The following CSNK2A2IP variants were observed in gnomAD, a reference collection of about 807,000 sequenced individuals.
CSNK2A2IP encodes the protein casein kinase II subunit alpha'-interacting protein.
the CSNK2A2IP span, among the ~76,000 whole-genome samples, chr3:88,343,479 G>A: frequency 4.1e-4 from 62 of 151,974 alleles, no homozygotes; most frequent in African/African-American, 1.3e-3. Context: ...ATTACTAGGC[G>A]TGGTTATGAG....
chr3:88,418,727 T>C, the CSNK2A2IP span, among the ~76,000 whole-genome samples: 1 of 152,140 alleles, frequency 6.6e-6, no homozygotes, highest in East Asian at 1.9e-4. Context: ...GTTGTGGGTT[T>C]TGGTGTATAG....
the CSNK2A2IP span, chr3:88,466,994 C>A: frequency 1.6e-6 from 2 of 1,224,866 alleles, no homozygotes; most frequent in African/African-American, 3.1e-5. Flanking sequence ...AATGAAGTCC[C>A]TGAAGACAAC....
the CSNK2A2IP span, among the ~76,000 whole-genome samples, chr3:88,350,087 T>G: frequency 6.6e-6 from 1 of 152,094 alleles, no homozygotes; most frequent in African/African-American, 2.4e-5. Context: ...GTCTTCATTT[T>G]CAGTATCTAA....
At chr3:88,433,366 A>T in the CSNK2A2IP span, among the ~76,000 whole-genome samples, 1 of 152,026 alleles carries the variant, frequency 6.6e-6, no homozygotes, top group Non-Finnish European at 1.5e-5. Flanking sequence ...TCAATTACTA[A>T]GTTGTTTTAA....
At chr3:88,359,890 T>C in the CSNK2A2IP span, among the ~76,000 whole-genome samples, 5 of 152,146 alleles carry the variant, frequency 3.3e-5, no homozygotes, top group African/African-American at 1.2e-4. Flanking sequence ...AACTGGTCTA[T>C]AGTGCAGGTT....
the CSNK2A2IP span, among the ~76,000 whole-genome samples, chr3:88,435,205 A>C: frequency 5.9e-5 from 9 of 151,996 alleles, no homozygotes; most frequent in Non-Finnish European, 1.2e-4. Flanking sequence ...ATTCTTCCCC[A>C]CCTTCCCAGG....
the CSNK2A2IP span, among the ~76,000 whole-genome samples, chr3:88,390,626 A>G: frequency 1.4e-3 from 207 of 152,364 alleles, 1 homozygote; most frequent in African/African-American, 4.9e-3. Context: ...TTCTCTGATT[A>G]AAAGTTGTAT....
the CSNK2A2IP span, among the ~76,000 whole-genome samples, chr3:88,414,034 T>C: frequency 1.2e-4 from 18 of 151,826 alleles, no homozygotes; most frequent in African/African-American, 3.9e-4. Flanking sequence ...CAGGAACTTA[T>C]ATACAATGCC....
the CSNK2A2IP span, among the ~76,000 whole-genome samples, chr3:88,430,973 C>A: frequency 6.6e-6 from 1 of 151,940 alleles, no homozygotes; most frequent in Non-Finnish European, 1.5e-5. Context: ...TTCAAATTAG[C>A]AATACTAAAT....
At chr3:88,376,708 T>C in the CSNK2A2IP span, among the ~76,000 whole-genome samples, 50 of 151,914 alleles carry the variant, frequency 3.3e-4, no homozygotes, top group African/African-American at 1.2e-3. Context: ...GTTTCCCTCA[T>C]TCTTTTGGTG....
At chr3:88,343,994 C>T in the CSNK2A2IP span, among the ~76,000 whole-genome samples, 2 of 151,872 alleles carry the variant, frequency 1.3e-5, no homozygotes, top group Non-Finnish European at 2.9e-5. Flanking sequence ...ATTCTGACAC[C>T]TATCATTTAA....
chr3:88,443,690 C>G, the CSNK2A2IP span, among the ~76,000 whole-genome samples: 1 of 152,012 alleles, frequency 6.6e-6, no homozygotes, highest in Non-Finnish European at 1.5e-5. Flanking sequence ...TGGGTGTAGA[C>G]TGCAGGGCCA....
At chr3:88,372,868 A>G in the CSNK2A2IP span, among the ~76,000 whole-genome samples, 6 of 151,586 alleles carry the variant, frequency 4.0e-5, no homozygotes, top group Admixed American at 3.3e-4. Flanking sequence ...GATTTAACAC[A>G]AGGATTATTA....
chr3:88,453,492 A>T, the CSNK2A2IP span, among the ~76,000 whole-genome samples: 2 of 152,102 alleles, frequency 1.3e-5, no homozygotes, highest in African/African-American at 2.4e-5. Context: ...TACTAAATGC[A>T]TCTTCACTGA....
the CSNK2A2IP span, chr3:88,465,438 A>T: frequency 8.1e-7 from 1 of 1,231,708 alleles, no homozygotes; most frequent in Non-Finnish European, 1.0e-6. Flanking sequence ...ATACATTAAC[A>T]CATCAACATA....
At chr3:88,368,981 A>T in the CSNK2A2IP span, among the ~76,000 whole-genome samples, 1 of 152,052 alleles carries the variant, frequency 6.6e-6, no homozygotes, top group Non-Finnish European at 1.5e-5. Flanking sequence ...TGGGGGAAAG[A>T]TCTACCCTTA....
At chr3:88,455,001 G>T in the CSNK2A2IP span, among the ~76,000 whole-genome samples, 1 of 151,782 alleles carries the variant, frequency 6.6e-6, no homozygotes, top group Admixed American at 6.6e-5. Context: ...TTCTGAGTCT[G>T]TCTTATTTCA....
At chr3:88,385,573 T>G in the CSNK2A2IP span, among the ~76,000 whole-genome samples, 1 of 152,264 alleles carries the variant, frequency 6.6e-6, no homozygotes, top group Non-Finnish European at 1.5e-5. Context: ...GAAGATAATG[T>G]AGGTTCAAAA....
At chr3:88,467,016 A>C in the CSNK2A2IP span, 2 of 1,190,736 alleles carry the variant, frequency 1.7e-6, no homozygotes, top group Admixed American at 4.2e-5. Context: ...TTGAAGGAGT[A>C]GAGAAGATAC....
Sources: allele counts gnomAD v4.1 joint callset (sites outside exome capture counted in the v4.1 genomes callset), GRCh38; gene constraint gnomAD v4.1.1; transcripts MANE v1.5; gene names NCBI Gene and HGNC (gene_info 2026-07-23, HGNC 2026-07-21).